CRTAC1: variants seen among roughly 807,000 people sequenced by gnomAD.
CRTAC1 encodes cartilage acidic protein 1, also known as acidic secreted protein in cartilage.
A neutral mutation model predicts 67.8 loss-of-function variants in CRTAC1; 37 were observed. The ratio of observed to expected loss-of-function variants is 0.55; its 90% CI spans 0.42 to 0.72. The LOEUF (loss-of-function observed/expected upper bound fraction) is 0.72, where lower values mean the gene tolerates loss of function less well. CRTAC1 is among the 30% of genes least tolerant of loss of function. CRTAC1 has a pLI of 0.00. For synonymous variants in CRTAC1, 348 were observed against 371.0 expected, an observed-to-expected ratio of 0.94 and a Z score of 0.71; for missense variants, 780 against 931.6, an observed-to-expected ratio of 0.84 and a Z score of 2.12.
At chr10:97,980,349 A>G (rs1257968563) in intron 2 of CRTAC1, among the ~76,000 whole-genome samples, 1 of 152,256 alleles carries the variant, frequency 6.6e-6, no homozygotes, top group Non-Finnish European at 1.5e-5. Context: ...GTACATGGGC[A>G]AAGTTTGGAC....
At chr10:97,899,626 C>T (rs2050505574) in intron 8 of CRTAC1, among the ~76,000 whole-genome samples, 1 of 152,232 alleles carries the variant, frequency 6.6e-6, no homozygotes. Flanking sequence ...TCGCAAGGCA[C>T]CTAATTAGTA....
rs983417585 is a variant in CRTAC1, at chr10:97,975,057, G to C, written c.224+36081C>G. On this transcript the variant is annotated intron_variant, in intron 2 of 14. Transcript: ENST00000370597. This position sits in a 1 kb window ranked among gnomAD's most constrained non-coding sequence, Gnocchi z 4.8. ...CGCGGGCAGGGACTGGCGCGGGATC[G>C]ATTCCCGGGTGGCGGTGGAGGGCCG... 3.9e-5 allele frequency among the ~76,000 whole-genome samples: 6 copies of C among 152,114 alleles called. No homozygotes were observed. The highest frequency in any genetic ancestry group is 5.9e-5 in the Non-Finnish European group (4 of 68,018).
intron 2 of CRTAC1, among the ~76,000 whole-genome samples, chr10:97,988,218 G>C (rs1564924442): frequency 6.7e-6 from 1 of 149,746 alleles, no homozygotes; most frequent in East Asian, 2.0e-4. Context: ...TTTGAGTTCT[G>C]TGTGTGCCCC....
In CRTAC1 at chr10:97,901,114, C is replaced by G. The variant is rs673131; in HGVS notation, c.1133+389G>C. On this transcript the variant is annotated intron_variant, in intron 8 of 14. Transcript: ENST00000370597. ...GCCCCTTTTCCTGGTAGTGATTGGA[C>G]CCCGTAGCCCCTTTTCCTGGTAGTG... Among the ~76,000 whole-genome samples, 1,031 of 109,522 alleles carry G rather than the reference C, an allele frequency of 9.4e-3. 8 individuals are homozygous for G. Among genetic ancestry groups the G allele is most frequent in the Middle Eastern group, 0.048 (9 of 186 alleles). 71.9% of individuals were successfully genotyped at this position (109,522 alleles called of 152,430 possible).
intron 2 of CRTAC1, 50 bp downstream of exon 2, chr10:98,011,088 A>G: frequency 1.3e-6 from 2 of 1,539,152 alleles, no homozygotes; most frequent in Admixed American, 1.7e-5. Flanking sequence ...CAGCCTTATT[A>G]CAGCAAAATC....
intron 2 of CRTAC1, among the ~76,000 whole-genome samples, chr10:97,973,812 T>G (rs1265841438): frequency 2.6e-5 from 4 of 152,112 alleles, no homozygotes; most frequent in Non-Finnish European, 5.9e-5. Context: ...AAATGCCTTT[T>G]TTCTTTGGTC....
intron 2 of CRTAC1, among the ~76,000 whole-genome samples, chr10:97,994,852 T>C (rs777413875): frequency 1.8e-4 from 27 of 152,196 alleles, no homozygotes; most frequent in Non-Finnish European, 3.5e-4. Flanking sequence ...GGAATGAAGG[T>C]CCTGTGGAGG....
At chr10:98,021,209 A>G (rs1466259289) in intron 1 of CRTAC1, among the ~76,000 whole-genome samples, 1 of 152,134 alleles carries the variant, frequency 6.6e-6, no homozygotes, top group Non-Finnish European at 1.5e-5. Flanking sequence ...CCTAAGAGAC[A>G]AACTCCAGAC....
rs2136657625 is a variant in CRTAC1 at position 97,975,528 on chromosome 10, G to A, written c.224+35610C>T. On this transcript the variant is annotated intron_variant, in intron 2 of 14. Coordinates refer to ENST00000370597, the MANE Select transcript of CRTAC1 (RefSeq NM_018058.7). The surrounding 1 kb of genome is among the most constrained non-coding windows in gnomAD (Gnocchi z 4.8). ...CCAAGAGCAGAAAGAGGATTACCCT[G>A]TCGGCATTTTGGCCCAGTCGGAATG... Among the ~76,000 whole-genome samples, 1 of 152,316 alleles carries A rather than the reference G, an allele frequency of 6.6e-6. No homozygotes were observed. Among genetic ancestry groups the A allele is most frequent in the South Asian group, 2.1e-4 (1 of 4,828 alleles).
chr10:97,938,407 T>C (rs757200387), intron 2 of CRTAC1, among the ~76,000 whole-genome samples: 3 of 152,158 alleles, frequency 2.0e-5, no homozygotes, highest in Non-Finnish European at 4.4e-5. Flanking sequence ...AAAAGCACCC[T>C]CATATGCACA....
chr10:97,894,347 T>G (rs1280635566), intron 11 of CRTAC1, among the ~76,000 whole-genome samples: 1 of 152,108 alleles, frequency 6.6e-6, no homozygotes, highest in Non-Finnish European at 1.5e-5. Flanking sequence ...GTTCCATTAA[T>G]GCCACAGATA....
intron 2 of CRTAC1, among the ~76,000 whole-genome samples, chr10:97,991,628 C>A (rs922847814): frequency 5.3e-5 from 8 of 152,184 alleles, no homozygotes; most frequent in Non-Finnish European, 8.8e-5. Flanking sequence ...AGGTGCTGTG[C>A]TAAGCAATTT....
At chr10:97,898,441 G>T (rs1285834057) in intron 8 of CRTAC1, among the ~76,000 whole-genome samples, 1 of 152,192 alleles carries the variant, frequency 6.6e-6, no homozygotes, top group Non-Finnish European at 1.5e-5. Flanking sequence ...GATGAAGAGG[G>T]ATAATTGGGG....
At chr10:97,865,913 G>A (rs2050017663) in intron 14 of CRTAC1, 199 bp from the exon 15 acceptor site, 1 of 748,388 alleles carries the variant, frequency 1.3e-6, no homozygotes, top group Non-Finnish European at 2.0e-6. Context: ...TCCATTTCCT[G>A]ACCTGGGGGC....
chr10:97,926,158 G>C (rs2050914382), intron 3 of CRTAC1, among the ~76,000 whole-genome samples: 1 of 152,192 alleles, frequency 6.6e-6, no homozygotes, highest in African/African-American at 2.4e-5. Context: ...TTCAGCACAG[G>C]CCTGTTTCTG....
intron 14 of CRTAC1, among the ~76,000 whole-genome samples, chr10:97,878,049 G>A (rs1484836260): frequency 6.6e-6 from 1 of 152,188 alleles, no homozygotes; most frequent in Non-Finnish European, 1.5e-5. Flanking sequence ...TTTTTTAAAA[G>A]GCAGCAGCTT....
chr10:97,883,906 C>T (rs758607304), intron 12 of CRTAC1, among the ~76,000 whole-genome samples: 2 of 152,236 alleles, frequency 1.3e-5, no homozygotes, highest in Admixed American at 6.5e-5. Context: ...ACTGGCTGTA[C>T]AGCCTTGGTG....
rs191639130 is a variant in CRTAC1 at position 97,895,811 on chromosome 10, C to T, written c.1317+74G>A. 194 of 1,304,148 alleles carry T rather than the reference C, an allele frequency of 1.5e-4. No homozygotes were observed. Among genetic ancestry groups the T allele is most frequent in the Non-Finnish European group, 2.0e-4 (181 of 909,586 alleles). The allele number at this position is 1,304,148 out of a possible 1,614,324, so 80.8% of individuals were successfully genotyped here. On this transcript the variant is annotated intron_variant, in intron 10 of 14. Coordinates refer to ENST00000370597, the MANE Select transcript of CRTAC1 (RefSeq NM_018058.7). This position sits in a 1 kb window ranked among gnomAD's most constrained non-coding sequence, Gnocchi z 4.2. ...TGCTGGCCAAGCCAGCACCCCGGCA[C>T]CTTGCCCTCACCAACTCAAGGTACC...
chr10:98,006,557 C>T (rs1011050985), intron 2 of CRTAC1, among the ~76,000 whole-genome samples: 5 of 152,158 alleles, frequency 3.3e-5, no homozygotes, highest in Admixed American at 2.6e-4. Flanking sequence ...TGAAACACAA[C>T]ACAAACCGAC....
Sources: allele counts gnomAD v4.1 joint callset (sites outside exome capture counted in the v4.1 genomes callset), GRCh38; gene constraint gnomAD v4.1.1; non-coding constraint Gnocchi (gnomAD v3.1); transcripts MANE v1.5; gene names NCBI Gene and HGNC (gene_info 2026-07-23, HGNC 2026-07-21).